The following HERC1 variants were observed in gnomAD, a reference collection of about 807,000 sequenced individuals.
The protein encoded by HERC1 is probable E3 ubiquitin-protein ligase HERC1.
In HERC1, 160 loss-of-function variants were observed where a neutral mutation model predicts 554.3. That is an observed-to-expected ratio of 0.29 (90% CI 0.25 to 0.33). The LOEUF is 0.33. HERC1 is among the 10% of genes least tolerant of loss of function. The pLI is 1.00. For synonymous variants in HERC1, 2,175 were observed against 2,131.7 expected (o/e 1.02, Z -0.56); for missense variants, 4,919 against 5,918.5 (o/e 0.83, Z 5.54).
At chr15:63,683,409 G>A (rs2071585896) in intron 34 of HERC1, among the ~76,000 whole-genome samples, 1 of 152,100 alleles carries the variant, frequency 6.6e-6, no homozygotes, top group African/African-American at 2.4e-5. Flanking sequence ...ATAAAAGAGA[G>A]GCAAGCTCTA....
chr15:63,619,211 G>C (rs1182772941), intron 74 of HERC1, among the ~76,000 whole-genome samples: 1 of 152,194 alleles, frequency 6.6e-6, no homozygotes, highest in Non-Finnish European at 1.5e-5. Flanking sequence ...ATGAAGCGTT[G>C]TTGAATTTTG....
chr15:63,675,240 A>T (rs963515862), intron 37 of HERC1, 123 bp from the exon 38 acceptor site: 1 of 729,824 alleles, frequency 1.4e-6, no homozygotes, highest in Admixed American at 3.1e-5. Context: ...TAATTTACAC[A>T]AACTAGAGAA....
At chr15:63,712,976 A>C (rs1049511936) in intron 23 of HERC1, 81 bp from the exon 24 acceptor site, 6 of 1,326,402 alleles carry the variant, frequency 4.5e-6, no homozygotes, top group Non-Finnish European at 6.2e-6. Context: ...TGGAGCACAG[A>C]GATAATATAC....
intron 12 of HERC1, among the ~76,000 whole-genome samples, chr15:63,739,972 A>G (rs2074728482): frequency 6.6e-6 from 1 of 151,438 alleles, no homozygotes; most frequent in Non-Finnish European, 1.5e-5. Context: ...ATGCAGTGGT[A>G]TGATGTCAGC....
intron 33 of HERC1, 131 bp from the exon 34 acceptor site, chr15:63,686,666 C>A (rs891249956): frequency 2.9e-6 from 2 of 691,234 alleles, no homozygotes; most frequent in Admixed American, 6.2e-5. Context: ...CTGTGCAGGG[C>A]AACAGGAACA....
chr15:63,766,534 G>A (rs921852151), intron 2 of HERC1, among the ~76,000 whole-genome samples: 4 of 152,318 alleles, frequency 2.6e-5, no homozygotes, highest in East Asian at 1.9e-4. Context: ...GTTGCAGATC[G>A]CACCACTGCA....
intron 60 of HERC1, 139 bp from the exon 61 acceptor site, chr15:63,640,584 TTAGAG>T: frequency 1.4e-6 from 1 of 734,072 alleles, no homozygotes; most frequent in Non-Finnish European, 2.2e-6. Context: ...AATTTTAGAT[TTAGAG>T]TGAGTTGTAC....
chr15:63,722,806 T>C (rs1440532450), intron 19 of HERC1, among the ~76,000 whole-genome samples: 1 of 152,198 alleles, frequency 6.6e-6, no homozygotes, highest in East Asian at 1.9e-4. Context: ...TGGGCAAGTA[T>C]GTACACACAG....
At chr15:63,696,439 C>A (rs1050637743) in intron 26 of HERC1, 100 bp from the exon 27 acceptor site, 3 of 742,148 alleles carry the variant, frequency 4.0e-6, no homozygotes, top group Non-Finnish European at 6.8e-6. Context: ...AAAATTCTGA[C>A]ATTTCATATG....
chr15:63,703,281 C>T (rs1253023864), intron 25 of HERC1, among the ~76,000 whole-genome samples: 1 of 152,082 alleles, frequency 6.6e-6, no homozygotes, highest in Non-Finnish European at 1.5e-5. Flanking sequence ...GAGAAAAAGG[C>T]GCAATTGTGG....
chr15:63,826,814 A>AATATATAT lies in HERC1; in HGVS notation c.-27+7005_-27+7012dup, dbSNP rs1555454978. On this transcript the variant is annotated intron_variant, in intron 1 of 77. Coordinates refer to ENST00000443617, the MANE Select transcript of HERC1 (RefSeq NM_003922.4). ...AAAAAAAAAAAAAAAAAAAAAAAAA[A>AATATATAT]ATATATATATATATATATATATATA... Among the ~76,000 whole-genome samples, 60 of 22,250 alleles carry AATATATAT rather than the reference A, an allele frequency of 2.7e-3. 4 individuals carry two copies. In the East Asian group the frequency reaches 0.027, roughly 10 times the overall value. The allele number at this position is 22,250 out of a possible 152,430, so 14.6% of individuals were successfully genotyped here.
In HERC1 at chr15:63,661,778, T is replaced by TGG. The variant is rs1399998555; in HGVS notation, c.9143_9144dup (p.Lys3049ProfsTer18). ...CTTTCAGAACTTGTTGACTTAGATT[T>TGG]GGTCTTCATGGCTAAGTACTTCTCC... On this transcript the variant is annotated frameshift_variant, in exon 45 of 78. Transcript: ENST00000443617. LOFTEE classifies it high-confidence loss of function. The TGG allele has an allele frequency of 6.2e-7, 1 of 1,614,008 alleles. No individual in the cohort carries two copies.
At position 63,662,106 on chromosome 15, in the gene HERC1, C is replaced by T. The variant is rs1255720252; in HGVS notation, c.8902-85G>A. ...CAAGTAGATTATTTATATTAAATTA[C>T]TTTATTACATATGCTAGAATATTTC... On this transcript the variant is annotated intron_variant, in intron 44 of 77. Coordinates refer to ENST00000443617, the MANE Select transcript of HERC1 (RefSeq NM_003922.4). The T allele has an allele frequency of 1.5e-5, 20 of 1,295,248 alleles. No homozygotes were observed. The East Asian group carries it at 4.8e-4, about 31-fold the overall frequency. 80.2% of individuals were successfully genotyped at this position (1,295,248 alleles called of 1,614,324 possible).
chr15:63,797,697 T>C lies in HERC1; in HGVS notation c.-26-22048A>G, dbSNP rs542103825. On this transcript the variant is annotated intron_variant, in intron 1 of 77. Coordinates refer to ENST00000443617, the MANE Select transcript of HERC1 (RefSeq NM_003922.4). ...GCCTCCTGTCAATTAAACTCTTCCT[T>C]TACTGCAATGTAGTGGTCTCTGTTA... Among the ~76,000 whole-genome samples the C allele has an allele frequency of 9.8e-5, 15 of 152,334 alleles. No homozygotes were observed. In the East Asian group the frequency reaches 2.9e-3, roughly 29 times the overall value.
intron 24 of HERC1, among the ~76,000 whole-genome samples, chr15:63,709,267 C>T (rs1360618700): frequency 6.6e-6 from 1 of 152,206 alleles, no homozygotes; most frequent in Admixed American, 6.5e-5. Flanking sequence ...ACCTCAGCCT[C>T]CCAAAGTGCT....
At chr15:63,625,875 A>T in intron 71 of HERC1, 110 bp downstream of exon 71, 1 of 1,114,684 alleles carries the variant, frequency 9.0e-7, no homozygotes, top group Non-Finnish European at 1.3e-6. Context: ...ATTAGCCATG[A>T]AAGAATTTTC....
Position 63,645,566 on chromosome 15 carries a change from T to C in HERC1, c.10995A>G (p.Ser3665=), listed in dbSNP as rs1566968339. ...CATTTACAATAGATGGATGGCAGAG[T>C]GAATGTAGACAGCACCAGCATCCCG... ...SISGCWCCLH[S]LCHPSIVNGI... Residue 3665 remains serine, a synonymous_variant, in exon 56 of 78, where the codon TCA becomes TCG. Coordinates refer to ENST00000443617, the MANE Select transcript of HERC1 (RefSeq NM_003922.4). The C allele has an allele frequency of 1.9e-6, 3 of 1,613,410 alleles. No individual in the cohort carries two copies. The highest frequency in any genetic ancestry group is 4.5e-5 in the East Asian group (2 of 44,842).
chr15:63,739,684 C>G (rs867201350), intron 12 of HERC1, among the ~76,000 whole-genome samples: 7 of 151,880 alleles, frequency 4.6e-5, no homozygotes, highest in African/African-American at 1.7e-4. Flanking sequence ...ACTAAAAATA[C>G]AAACACTAGC....
At chr15:63,761,586 C>CA (rs11301389) in intron 3 of HERC1, among the ~76,000 whole-genome samples, 6,297 of 119,174 alleles carry the variant, frequency 0.053, 158 homozygotes, top group Middle Eastern at 0.095. Context: ...AAGACTGTCT[C>CA]AAAAAAAAAA....
Sources: allele counts gnomAD v4.1 joint callset (sites outside exome capture counted in the v4.1 genomes callset), GRCh38; gene constraint gnomAD v4.1.1; transcripts MANE v1.5; gene names NCBI Gene and HGNC (gene_info 2026-07-23, HGNC 2026-07-21).